Variants in ANKRD44 observed in about 807,000 individuals in gnomAD.
ANKRD44 encodes the protein ankyrin repeat domain 44.
ANKRD44 carries 35 observed loss-of-function variants against 116.0 expected under a neutral mutation model. That is an observed-to-expected ratio of 0.30 (90% CI 0.23 to 0.40). The LOEUF (loss-of-function observed/expected upper bound fraction) is 0.40. Among genes scored for constraint, ANKRD44 ranks in the 10% least tolerant of loss-of-function variants. The pLI, the probability that ANKRD44 is intolerant of heterozygous loss-of-function variation, is 1.00. For synonymous variants in ANKRD44, 435 were observed against 461.8 expected, an observed-to-expected ratio of 0.94 and a Z score of 0.74; for missense variants, 1,014 against 1,242.6, an observed-to-expected ratio of 0.82 and a Z score of 2.77.
rs2083007325 is a variant in ANKRD44 at position 197,274,146 on chromosome 2, A to G, written c.27+36432T>C. Among the ~76,000 whole-genome samples, 6 of 151,572 alleles carry G rather than the reference A, an allele frequency of 4.0e-5. No individual in the cohort carries two copies. The South Asian group carries it at 1.2e-3, about 32-fold the overall frequency. ...TGAGAACTGTCAAGTCCATGTGGAC[A>G]TCACTAAGGGGACCTGGCACTTAGA... On this transcript the variant is annotated intron_variant, in intron 1 of 27. Coordinates refer to ENST00000282272, the MANE Select transcript of ANKRD44 (RefSeq NM_001195144.2).
chr2:197,278,966 A>G (rs1489857903), intron 1 of ANKRD44, among the ~76,000 whole-genome samples: 1 of 152,244 alleles, frequency 6.6e-6, no homozygotes, highest in East Asian at 1.9e-4. Flanking sequence ...TGCAGTCAGC[A>G]GTTCTCCAGT....
At chr2:197,076,990 A>C (rs569368725) in intron 16 of ANKRD44, among the ~76,000 whole-genome samples, 2 of 152,330 alleles carry the variant, frequency 1.3e-5, no homozygotes, top group South Asian at 4.1e-4. Flanking sequence ...CTTTATGGTT[A>C]GAATGATTTA....
intron 1 of ANKRD44, among the ~76,000 whole-genome samples, chr2:197,253,310 G>A (rs1275698828): frequency 1.3e-5 from 2 of 151,976 alleles, no homozygotes; most frequent in Non-Finnish European, 1.5e-5. Context: ...TGTCAGTTAG[G>A]AGACTGACAT....
In ANKRD44 at chr2:197,241,797, A is replaced by G. The variant is rs150354619; in HGVS notation, c.28-54691T>C. Among the ~76,000 whole-genome samples, 24 of 152,280 alleles carry G rather than the reference A, an allele frequency of 1.6e-4. No homozygotes were observed. The East Asian group carries it at 4.6e-3, about 29-fold the overall frequency. On this transcript the variant is annotated intron_variant, in intron 1 of 27. Transcript: ENST00000282272. ...AGAATAAAAAGGAAGAATCATTTCA[A>G]TGATTCACTACATAGTGCTGGTGGC...
intron 16 of ANKRD44, among the ~76,000 whole-genome samples, chr2:197,057,487 T>A (rs1007346526): frequency 1.2e-4 from 18 of 152,318 alleles, no homozygotes; most frequent in South Asian, 4.1e-4. Flanking sequence ...GAATTTTTTT[T>A]TAAATTAAGA....
intron 18 of ANKRD44, among the ~76,000 whole-genome samples, chr2:197,010,500 C>T (rs1427740999): frequency 6.6e-6 from 1 of 152,128 alleles, no homozygotes; most frequent in Non-Finnish European, 1.5e-5. Flanking sequence ...CCGGCTGGGG[C>T]GGGAGCACTG....
intron 1 of ANKRD44, among the ~76,000 whole-genome samples, chr2:197,303,213 C>T (rs960980551): frequency 6.6e-6 from 1 of 152,208 alleles, no homozygotes; most frequent in Non-Finnish European, 1.5e-5. Flanking sequence ...TCATAAAAGG[C>T]AGATACTTTT....
At chr2:197,267,830 G>A (rs896015701) in intron 1 of ANKRD44, among the ~76,000 whole-genome samples, 6 of 152,148 alleles carry the variant, frequency 3.9e-5, no homozygotes, top group African/African-American at 7.2e-5. Flanking sequence ...AGCTGGGGTC[G>A]GGGTAAGACA....
At chr2:197,298,670 C>T (rs2083798024) in intron 1 of ANKRD44, among the ~76,000 whole-genome samples, 1 of 152,158 alleles carries the variant, frequency 6.6e-6, no homozygotes, top group Non-Finnish European at 1.5e-5. Context: ...TGCCTGTAAT[C>T]TCAGCACTTT....
At chr2:197,263,118 C>T (rs1422099900) in intron 1 of ANKRD44, 1 of 477,722 alleles carries the variant, frequency 2.1e-6, no homozygotes, top group South Asian at 1.9e-5. Flanking sequence ...AAAATGTACA[C>T]CTGCTCCAAG....
At chr2:197,014,012 C>A (rs924612318) in intron 17 of ANKRD44, among the ~76,000 whole-genome samples, 3 of 152,172 alleles carry the variant, frequency 2.0e-5, no homozygotes, top group Non-Finnish European at 4.4e-5. Flanking sequence ...CTGATCTAAT[C>A]ATCTAATATA....
intron 5 of ANKRD44, 65 bp downstream of exon 5, chr2:197,125,772 A>C (rs914866019): frequency 2.0e-6 from 3 of 1,500,958 alleles, no homozygotes; most frequent in Non-Finnish European, 2.8e-6. Flanking sequence ...CAAGAAGATC[A>C]GTTTCCACTT....
intron 21 of ANKRD44, among the ~76,000 whole-genome samples, chr2:196,974,359 A>G (rs2075741629): frequency 6.6e-6 from 1 of 152,130 alleles, no homozygotes; most frequent in South Asian, 2.1e-4. Context: ...CTGGGATTAC[A>G]GGTATGAGCC....
chr2:197,211,057 T>C (rs556127699), intron 1 of ANKRD44, among the ~76,000 whole-genome samples: 1 of 152,104 alleles, frequency 6.6e-6, no homozygotes, highest in Non-Finnish European at 1.5e-5. Context: ...GCCTCTTCTC[T>C]AATCATATCC....
intron 16 of ANKRD44, among the ~76,000 whole-genome samples, chr2:197,037,165 G>T (rs2076823687): frequency 6.6e-6 from 1 of 152,216 alleles, no homozygotes; most frequent in Non-Finnish European, 1.5e-5. Flanking sequence ...GAAACTACGG[G>T]TGTTTTGATT....
At chr2:196,997,877 T>C (rs2076042855) in intron 25 of ANKRD44, among the ~76,000 whole-genome samples, 2 of 149,590 alleles carry the variant, frequency 1.3e-5, no homozygotes. Context: ...GAAATACACA[T>C]ATATCTATTT....
intron 1 of ANKRD44, among the ~76,000 whole-genome samples, chr2:197,232,043 G>T (rs2081876639): frequency 6.6e-6 from 1 of 152,158 alleles, no homozygotes; most frequent in Non-Finnish European, 1.5e-5. Context: ...TTGAGTATAT[G>T]AAGGAATTTG....
At chr2:197,301,367 T>C (rs1343000261) in intron 1 of ANKRD44, 1 of 152,162 alleles carries the variant, frequency 6.6e-6, no homozygotes, top group African/African-American at 2.4e-5. Flanking sequence ...TCTTAGAACA[T>C]TTAGGGACAA....
At chr2:196,990,726 G>A (rs2075899789) in intron 27 of ANKRD44, 6 of 1,232,116 alleles carry the variant, frequency 4.9e-6, no homozygotes, top group Non-Finnish European at 6.1e-6. Flanking sequence ...CCCATCCTCC[G>A]AGCCTACGTT....
Sources: allele counts gnomAD v4.1 joint callset (sites outside exome capture counted in the v4.1 genomes callset), GRCh38; gene constraint gnomAD v4.1.1; transcripts MANE v1.5; gene names NCBI Gene and HGNC (gene_info 2026-07-23, HGNC 2026-07-21).